The following IPMK variants were observed in gnomAD, a reference collection of about 807,000 sequenced individuals.
IPMK encodes inositol 1,3,4,6-tetrakisphosphate 5-kinase.
In IPMK, 17 loss-of-function variants were observed where a neutral mutation model predicts 45.8. That is an observed-to-expected ratio of 0.37 (90% CI 0.25 to 0.56). The LOEUF is 0.56. Ranked by LOEUF, IPMK falls within the 20% of genes least tolerant of loss-of-function variation. IPMK has a pLI of 0.79. For missense variants in IPMK, 399 were observed against 498.0 expected (o/e 0.80, Z 1.89); for synonymous variants, 180 against 184.3 (o/e 0.98, Z 0.19).
At chr10:58,237,328 C>A (rs952216685) in intron 2 of IPMK, among the ~76,000 whole-genome samples, 1 of 152,186 alleles carries the variant, frequency 6.6e-6, no homozygotes, top group African/African-American at 2.4e-5. Context: ...GAACCATTCT[C>A]TCCACTTCAG....
chr10:58,202,493 C>T (rs1357021973), intron 4 of IPMK, among the ~76,000 whole-genome samples: 3 of 152,006 alleles, frequency 2.0e-5, no homozygotes, highest in South Asian at 4.2e-4. Context: ...AGTGAGACCC[C>T]GTTTCTACAA....
At chr10:58,267,326 C>G in intron 1 of IPMK, 96 bp downstream of exon 1, 3 of 1,207,842 alleles carry the variant, frequency 2.5e-6, no homozygotes, top group Non-Finnish European at 2.4e-6. Flanking sequence ...ACCAGGGGGG[C>G]GTCCAGGCAG....
chr10:58,247,733 C>G lies in IPMK; in HGVS notation c.191-9919G>C, dbSNP rs991918866. On this transcript the variant is annotated intron_variant, in intron 1 of 5. Coordinates refer to ENST00000373935, the MANE Select transcript of IPMK (RefSeq NM_152230.5). ...TGGCGAGTTAGTGAGTGCAGCACAA[C>G]AGCATGGCACATGTATACATATGTA... Among the ~76,000 whole-genome samples, 93 of 152,108 alleles carry G rather than the reference C, an allele frequency of 6.1e-4. 1 individual carries two copies. Among genetic ancestry groups the G allele is most frequent in the African/African-American group, 2.2e-3 (93 of 41,436 alleles).
chr10:58,221,561 GTTGTTA>G, intron 3 of IPMK, among the ~76,000 whole-genome samples: 1 of 152,050 alleles, frequency 6.6e-6, no homozygotes, highest in East Asian at 1.9e-4. Context: ...ATAGATTTCT[GTTGTTA>G]TTGTTGTTTG....
intron 2 of IPMK, among the ~76,000 whole-genome samples, chr10:58,230,994 G>A (rs1261132876): frequency 2.0e-5 from 3 of 152,086 alleles, no homozygotes; most frequent in African/African-American, 7.2e-5. Flanking sequence ...TGACCTGATG[G>A]GGCTGAAAAC....
chr10:58,207,130 G>A (rs1335875870), intron 4 of IPMK, among the ~76,000 whole-genome samples: 1 of 152,186 alleles, frequency 6.6e-6, no homozygotes, highest in Non-Finnish European at 1.5e-5. Context: ...AGCCTCCTGA[G>A]TAGCTAGGAC....
rs1279135284 is a variant in IPMK, at chr10:58,267,736, G to C, written c.-125C>G. ...AGGAGGCCCGGGGGTTCCCGCGGCT[G>C]GTGCCCTCTGAAGCGCGGGGAGGGG... is the stretch of plus-strand genomic sequence containing the variant. On this transcript the variant is annotated 5_prime_UTR_variant, in exon 1 of 6. Transcript: ENST00000373935. The C allele has an allele frequency of 9.4e-6, 6 of 636,964 alleles. No homozygotes were observed. The highest frequency in any genetic ancestry group is 1.7e-5 in the Non-Finnish European group (6 of 358,656). 39.5% of individuals were successfully genotyped at this position (636,964 alleles called of 1,614,324 possible).
At chr10:58,265,877 G>A (rs914224246) in intron 1 of IPMK, among the ~76,000 whole-genome samples, 6 of 152,116 alleles carry the variant, frequency 3.9e-5, no homozygotes, top group Non-Finnish European at 5.9e-5. Context: ...TTTTTATGTT[G>A]AGATTTTTAA....
At chr10:58,241,004 T>G (rs1274331790) in intron 1 of IPMK, among the ~76,000 whole-genome samples, 1 of 152,128 alleles carries the variant, frequency 6.6e-6, no homozygotes, top group East Asian at 1.9e-4. Flanking sequence ...GCAAATCATG[T>G]TGTCCCCAAG....
chr10:58,263,478 C>G (rs1468833667), intron 1 of IPMK, among the ~76,000 whole-genome samples: 2 of 151,588 alleles, frequency 1.3e-5, no homozygotes, highest in Non-Finnish European at 2.9e-5. Context: ...GAGTCAAGAC[C>G]GCGCCACTGT....
intron 4 of IPMK, among the ~76,000 whole-genome samples, chr10:58,208,756 C>T (rs1457226987): frequency 1.3e-5 from 2 of 152,142 alleles, no homozygotes; most frequent in South Asian, 2.1e-4. Flanking sequence ...TGGTGTACAC[C>T]TTATTTATTT....
intron 1 of IPMK, among the ~76,000 whole-genome samples, chr10:58,244,413 G>A (rs1017847133): frequency 1.3e-5 from 2 of 148,238 alleles, no homozygotes; most frequent in Non-Finnish European, 3.0e-5. Flanking sequence ...GAGGTGGGGA[G>A]CGCCTCCGCC....
At chr10:58,251,703 G>A (rs979764529) in intron 1 of IPMK, among the ~76,000 whole-genome samples, 13 of 152,044 alleles carry the variant, frequency 8.6e-5, no homozygotes, top group African/African-American at 1.4e-4. Context: ...ATCCTCTTGC[G>A]GTACTACTGA....
At chr10:58,235,799 T>C (rs1004527126) in intron 2 of IPMK, among the ~76,000 whole-genome samples, 2 of 151,894 alleles carry the variant, frequency 1.3e-5, no homozygotes, top group Non-Finnish European at 2.9e-5. Flanking sequence ...ATCCTAGAAC[T>C]TAAAGTGTAA....
chr10:58,249,489 C>T (rs920559658), intron 1 of IPMK, among the ~76,000 whole-genome samples: 11 of 150,634 alleles, frequency 7.3e-5, no homozygotes, highest in African/African-American at 2.7e-4. Context: ...TTTTCATACC[C>T]CAACTGGTCA....
rs1837900376 is a variant in IPMK, at chr10:58,196,685, A to G, written c.642T>C (p.Phe214=). 6.4e-7 allele frequency: 1 copy of G among 1,573,124 alleles called. No homozygotes were observed. The highest frequency in any genetic ancestry group is 1.2e-5 in the South Asian group (1 of 83,994). ...TTCTTAAGCAGTACCCATTATGAAA[A>G]AATCTGGAGACTCCTATAAAAAGAA... The part of the protein sequence containing the change: ...KETIKDGVSR[F]FHNGYCLRKD... Residue 214 remains phenylalanine, a synonymous_variant, in exon 6 of 6, where the codon TTT becomes TTC. Transcript: ENST00000373935.
intron 2 of IPMK, among the ~76,000 whole-genome samples, chr10:58,235,858 C>T (rs1588964278): frequency 6.6e-6 from 1 of 151,436 alleles, no homozygotes; most frequent in East Asian, 1.9e-4. Context: ...AACCAGTAGG[C>T]TGTTGTGACA....
intron 2 of IPMK, among the ~76,000 whole-genome samples, chr10:58,228,947 G>A (rs1838464442): frequency 6.6e-6 from 1 of 152,162 alleles, no homozygotes; most frequent in Non-Finnish European, 1.5e-5. Context: ...TGATGTTTGG[G>A]CTTCACAGAG....
chr10:58,267,255 C>T (rs1839161377), intron 1 of IPMK, among the ~76,000 whole-genome samples, 167 bp downstream of exon 1: 2 of 152,240 alleles, frequency 1.3e-5, no homozygotes, highest in Admixed American at 6.5e-5. Context: ...TTCCGAGCCC[C>T]TTCTGCTCGA....
Sources: gnomAD v4.1 joint callset for allele counts (sites outside exome capture counted in the v4.1 genomes callset) on GRCh38, gnomAD v4.1.1 for gene constraint, MANE v1.5 for transcripts, NCBI Gene and HGNC (gene_info 2026-07-23, HGNC 2026-07-21) for gene names.